SLC25A26: variants seen among roughly 807,000 people sequenced by gnomAD.
SLC25A26 encodes the protein mitochondrial S-adenosylmethionine carrier protein.
A neutral mutation model predicts 37.8 loss-of-function variants in SLC25A26; 36 were observed. That is an observed-to-expected ratio of 0.95 (90% confidence interval 0.73 to 1.26). The LOEUF (loss-of-function observed/expected upper bound fraction) is 1.26. SLC25A26 is among the 50% of genes most tolerant of loss of function. The pLI, the probability that SLC25A26 is intolerant of heterozygous loss-of-function variation, is 0.00. For missense variants in SLC25A26, 390 were observed against 331.1 expected, an observed-to-expected ratio of 1.18 and a Z score of -1.38; for synonymous variants, 129 against 122.5, an observed-to-expected ratio of 1.05 and a Z score of -0.35.
At chr3:66,184,585 C>CTGCTCACCTTGAGTTTACTATGTATTATA (rs2070781193) in intron 1 of SLC25A26, among the ~76,000 whole-genome samples, 1 of 128,136 alleles carries the variant, frequency 7.8e-6, no homozygotes, top group Non-Finnish European at 1.7e-5. Context: ...TCACCTGACT[C>CTGCTCACCTTGAGTTTACTATGTATTATA]TGCTCACCTT....
chr3:66,222,893 G>A (rs2071566987), intron 1 of SLC25A26, among the ~76,000 whole-genome samples: 1 of 152,154 alleles, frequency 6.6e-6, no homozygotes, highest in South Asian at 2.1e-4. Context: ...ATGCAGTAAA[G>A]TATACTTTTT....
chr3:66,257,923 A>G (rs2073368994), intron 3 of SLC25A26, among the ~76,000 whole-genome samples: 1 of 152,148 alleles, frequency 6.6e-6, no homozygotes, highest in African/African-American at 2.4e-5. Context: ...GAGACTCTTG[A>G]TGCGTTGCTC....
rs36147154 is a variant in SLC25A26 at position 66,170,791 on chromosome 3, G to GTTTTTT, written c.-354+36832_-354+36837dup. 4.6e-3 allele frequency among the ~76,000 whole-genome samples: 233 copies of GTTTTTT among 50,918 alleles called. 19 individuals are homozygous for GTTTTTT. Among genetic ancestry groups the GTTTTTT allele is most frequent in the African/African-American group, 8.7e-3 (118 of 13,540 alleles). The allele number at this position is 50,918 out of a possible 152,430, so 33.4% of individuals were successfully genotyped here. ...CAAACATTTAATAGATGTGATTATT[G>GTTTTTT]TTTTTTTTTTTTTTTTTTTTTTTTT... On this transcript the variant is annotated intron_variant, in intron 1 of 10. Transcript: ENST00000676754.
Position 66,179,093 on chromosome 3 carries a change from G to A in SLC25A26, c.-353-41649G>A, listed in dbSNP as rs144072684. Among the ~76,000 whole-genome samples, 152 of 152,268 alleles carry A rather than the reference G, an allele frequency of 1.0e-3. No homozygotes were observed. In the East Asian group the frequency reaches 0.021, roughly 21 times the overall value. ...CTGAAAAAATTGTTAACATTAGCTT[G>A]TTTTAGTTGGGAGATACAAGAACAT... On this transcript the variant is annotated intron_variant, in intron 1 of 10. Transcript: ENST00000676754.
In SLC25A26 at chr3:66,322,382, T is replaced by C. The variant is rs181298839; in HGVS notation, c.454-23982T>C. Among the ~76,000 whole-genome samples, 27 of 152,346 alleles carry C rather than the reference T, an allele frequency of 1.8e-4. No homozygotes were observed. In the East Asian group the frequency reaches 4.2e-3, roughly 24 times the overall value. ...GCAATGAGATTCATATTTTCTAGTT[T>C]ATGGGATAAAAATAAAAATTCGATC... On this transcript the variant is annotated intron_variant, in intron 5 of 9. Coordinates refer to ENST00000354883, the MANE Select transcript of SLC25A26 (RefSeq NM_001379210.1).
At chr3:66,271,932 A>C (rs1313340430) in intron 5 of SLC25A26, among the ~76,000 whole-genome samples, 1 of 152,078 alleles carries the variant, frequency 6.6e-6, no homozygotes. Context: ...ATCTTTAAAA[A>C]TTATTTGGTG....
chr3:66,269,778 G>A (rs1408010905), intron 5 of SLC25A26, among the ~76,000 whole-genome samples: 1 of 152,154 alleles, frequency 6.6e-6, no homozygotes, highest in Admixed American at 6.6e-5. Context: ...TATCAGTGCT[G>A]TGTATCTGTC....
At position 66,242,976 on chromosome 3, in the gene SLC25A26, G is replaced by A. The variant is rs1032829867; in HGVS notation, c.191-227G>A. Among the ~76,000 whole-genome samples the A allele has an allele frequency of 3.3e-4, 50 of 152,188 alleles. 1 individual carries two copies. Among genetic ancestry groups the A allele is most frequent in the Non-Finnish European group, 7.3e-5 (5 of 68,042 alleles). ...CTAGATTAGCACTTGTGCTCCTTCA[G>A]GGTAGGTGTTATATTTTCTGCATTT... On this transcript the variant is annotated intron_variant, in intron 2 of 9. Coordinates refer to ENST00000354883, the MANE Select transcript of SLC25A26 (RefSeq NM_001379210.1).
chr3:66,167,452 A>G (rs1198391113), intron 1 of SLC25A26, among the ~76,000 whole-genome samples: 2 of 152,238 alleles, frequency 1.3e-5, no homozygotes, highest in Non-Finnish European at 2.9e-5. Context: ...TGGCTTCTGG[A>G]TCTAGCCAGA....
chr3:66,292,300 A>G (rs1408284833), intron 5 of SLC25A26, among the ~76,000 whole-genome samples: 1 of 152,154 alleles, frequency 6.6e-6, no homozygotes, highest in African/African-American at 2.4e-5. Flanking sequence ...GCCTGTTTAC[A>G]TTTAAGATTA....
At chr3:66,294,153 A>G (rs1305659491) in intron 5 of SLC25A26, among the ~76,000 whole-genome samples, 2 of 152,148 alleles carry the variant, frequency 1.3e-5, no homozygotes, top group Non-Finnish European at 2.9e-5. Flanking sequence ...CTTCCTACTC[A>G]TAAGCATGGA....
At chr3:66,376,834 G>C (rs1227020236) in intron 9 of SLC25A26, among the ~76,000 whole-genome samples, 3 of 152,164 alleles carry the variant, frequency 2.0e-5, no homozygotes, top group South Asian at 2.1e-4. Flanking sequence ...TCAGTTTAGG[G>C]CTTAAGACAC....
At chr3:66,290,589 T>C (rs2074671648) in intron 5 of SLC25A26, among the ~76,000 whole-genome samples, 1 of 152,228 alleles carries the variant, frequency 6.6e-6, no homozygotes, top group Admixed American at 6.5e-5. Flanking sequence ...GTTTTTGTCA[T>C]GGTTCTGTTT....
intron 9 of SLC25A26, among the ~76,000 whole-genome samples, chr3:66,374,668 G>C (rs1351460075): frequency 3.3e-5 from 5 of 152,134 alleles, no homozygotes; most frequent in Non-Finnish European, 7.4e-5. Context: ...CAGATGGCTT[G>C]AGCCCAAGAG....
At chr3:66,169,234 A>T (rs2070463583) in intron 1 of SLC25A26, among the ~76,000 whole-genome samples, 1 of 152,232 alleles carries the variant, frequency 6.6e-6, no homozygotes, top group Non-Finnish European at 1.5e-5. Context: ...CTTACTAAGT[A>T]GTTATTAGTA....
chr3:66,377,915 T>C lies in SLC25A26; in HGVS notation c.*108T>C. ...TATAGGCCCCAGTGCTGAAGACCAGTTGTGCTAAGATACCGGCATGGAGAT... is the reference window on the plus strand; with the variant it reads ...TATAGGCCCCAGTGCTGAAGACCAGCTGTGCTAAGATACCGGCATGGAGAT... On this transcript the variant is annotated 3_prime_UTR_variant, in exon 10 of 10. Coordinates refer to ENST00000354883, the MANE Select transcript of SLC25A26 (RefSeq NM_001379210.1). 6 of 833,956 alleles carry C rather than the reference T, an allele frequency of 7.2e-6. No individual in the cohort carries two copies. Among genetic ancestry groups the C allele is most frequent in the Non-Finnish European group, 9.9e-6 (5 of 506,328 alleles). 51.7% of individuals were successfully genotyped at this position (833,956 alleles called of 1,614,324 possible).
rs1325161413 is a variant in SLC25A26 at position 66,362,948 on chromosome 3, T to C, written c.568+19T>C. The stretch of plus-strand genomic sequence containing the variant: ...TTTGCAGGTGCAAAGGATTATATTA[T>C]ACTGGGAAAGACCAAAGAGGGGGAA... On this transcript the variant is annotated intron_variant, in intron 7 of 9. Transcript: ENST00000354883. 1.9e-6 allele frequency: 3 copies of C among 1,539,586 alleles called. No individual in the cohort carries two copies. Among genetic ancestry groups the C allele is most frequent in the South Asian group, 1.2e-5 (1 of 82,478 alleles).
Position 66,342,716 on chromosome 3 carries a change from T to C in SLC25A26, c.454-3648T>C, listed in dbSNP as rs987501076. 2.4e-4 allele frequency among the ~76,000 whole-genome samples: 37 copies of C among 152,212 alleles called. 1 individual carries two copies. On this transcript the variant is annotated intron_variant, in intron 5 of 9. Transcript: ENST00000354883. The stretch of plus-strand genomic sequence containing the variant: ...TTTACCACACCCAGATTTCATTTTA[T>C]CCCTATTTCACCTCGAATCCTCACA...
At chr3:66,326,398 A>AG (rs2075838557) in intron 5 of SLC25A26, among the ~76,000 whole-genome samples, 1 of 152,146 alleles carries the variant, frequency 6.6e-6, no homozygotes, top group African/African-American at 2.4e-5. Flanking sequence ...CTTCCTGAGG[A>AG]GGGGTTGCCT....
Sources: gnomAD v4.1 joint callset for allele counts (sites outside exome capture counted in the v4.1 genomes callset) on GRCh38, gnomAD v4.1.1 for gene constraint, MANE v1.5 for transcripts, NCBI Gene and HGNC (gene_info 2026-07-23, HGNC 2026-07-21) for gene names.